The following CDH2 variants were observed in gnomAD, a reference collection of about 807,000 sequenced individuals.
The protein encoded by CDH2 is cadherin-2.
Under a neutral mutation model 92.0 loss-of-function variants are expected in CDH2, and 17 were observed. That is an observed-to-expected ratio of 0.18 (90% CI 0.13 to 0.28). The LOEUF (loss-of-function observed/expected upper bound fraction) is 0.28. Among genes scored for constraint, CDH2 ranks in the 10% least tolerant of loss-of-function variants. The pLI is 1.00. For missense variants in CDH2, 862 were observed against 1,133.1 expected, an observed-to-expected ratio of 0.76 and a Z score of 3.44; for synonymous variants, 419 against 415.9, an observed-to-expected ratio of 1.01 and a Z score of -0.09.
At chr18:27,939,473 C>T (rs529455323) in intron 6 of CDH2, among the ~76,000 whole-genome samples, 20 of 152,236 alleles carry the variant, frequency 1.3e-4, no homozygotes, top group Middle Eastern at 3.4e-3. Flanking sequence ...GGTTTTTATC[C>T]AGCACTGCAG....
chr18:28,026,458 T>C (rs1039586021), intron 2 of CDH2, among the ~76,000 whole-genome samples: 1 of 152,138 alleles, frequency 6.6e-6, no homozygotes, highest in Admixed American at 6.6e-5. Context: ...GGTATAATTA[T>C]AGACAGCCTT....
chr18:28,019,471 A>C (rs1337450400), intron 2 of CDH2, among the ~76,000 whole-genome samples: 1 of 152,036 alleles, frequency 6.6e-6, no homozygotes, highest in East Asian at 1.9e-4. Context: ...TTATTCTATT[A>C]ATGTTGTACT....
chr18:28,045,288 G>A, intron 2 of CDH2: 1 of 373,634 alleles, frequency 2.7e-6, no homozygotes, highest in Non-Finnish European at 5.3e-6. Context: ...GAGCTAGTTT[G>A]TCCTTGTTGT....
intron 2 of CDH2, among the ~76,000 whole-genome samples, chr18:28,050,950 T>C (rs1378136012): frequency 6.6e-6 from 1 of 152,236 alleles, no homozygotes; most frequent in Non-Finnish European, 1.5e-5. Context: ...AAAATCAGAC[T>C]TTTATTTTTA....
chr18:28,036,971 T>A lies in CDH2; in HGVS notation c.173-23062A>T, dbSNP rs1239594839. On this transcript the variant is annotated intron_variant, in intron 2 of 15. Coordinates refer to ENST00000269141, the MANE Select transcript of CDH2 (RefSeq NM_001792.5). ...CAATCCATCACTTGTCATTTAGCAA[T>A]CTGTTCAGTAAAAACATCTATAGCT... Among the ~76,000 whole-genome samples, 3 of 152,164 alleles carry A rather than the reference T, an allele frequency of 2.0e-5. No homozygotes were observed. In the East Asian group the frequency reaches 5.8e-4, roughly 29 times the overall value.
chr18:28,080,046 T>C (rs1301500580), intron 2 of CDH2, among the ~76,000 whole-genome samples: 1 of 152,138 alleles, frequency 6.6e-6, no homozygotes, highest in Non-Finnish European at 1.5e-5. Context: ...CAGTGACTAA[T>C]GAGAGGTTCC....
chr18:27,985,835 A>C, intron 11 of CDH2, 74 bp from the exon 12 acceptor site: 3 of 879,480 alleles, frequency 3.4e-6, no homozygotes, highest in Non-Finnish European at 5.4e-6. Flanking sequence ...TGAAATTCTC[A>C]AAGCTTCTAA....
chr18:27,955,369 TAAAAA>T (rs760993428), intron 15 of CDH2, among the ~76,000 whole-genome samples: 591 of 31,014 alleles, frequency 0.019, 7 homozygotes, highest in African/African-American at 0.06. Context: ...AGTATAATAG[TAAAAA>T]AAAAAAAAAA....
intron 1 of CDH2, among the ~76,000 whole-genome samples, chr18:28,168,172 C>T (rs951864415): frequency 2.0e-5 from 3 of 152,014 alleles, no homozygotes; most frequent in African/African-American, 7.2e-5. Flanking sequence ...ACATTTCGTG[C>T]AAGATTACAG....
chr18:28,047,335 T>C (rs2014096399), intron 2 of CDH2, among the ~76,000 whole-genome samples: 1 of 152,202 alleles, frequency 6.6e-6, no homozygotes. Flanking sequence ...ACTCTTCATT[T>C]TACATCTGAA....
At chr18:28,083,105 T>C (rs2144194171) in intron 2 of CDH2, among the ~76,000 whole-genome samples, 1 of 152,316 alleles carries the variant, frequency 6.6e-6, no homozygotes, top group East Asian at 1.9e-4. Flanking sequence ...GCTGTTGATC[T>C]GGTTGCAGAG....
At chr18:28,170,919 G>T in intron 1 of CDH2, among the ~76,000 whole-genome samples, 1 of 139,554 alleles carries the variant, frequency 7.2e-6, no homozygotes, top group African/African-American at 2.5e-5. Flanking sequence ...ATGCATACCT[G>T]TACCAAAAAA....
intron 2 of CDH2, among the ~76,000 whole-genome samples, chr18:28,121,974 T>C (rs937144308): frequency 2.6e-4 from 39 of 152,238 alleles, no homozygotes; most frequent in African/African-American, 8.9e-4. Context: ...CTAAAGGTGA[T>C]AGAAAATGAG....
chr18:28,051,324 T>C (rs890535612), intron 2 of CDH2, among the ~76,000 whole-genome samples: 1 of 152,128 alleles, frequency 6.6e-6, no homozygotes, highest in Non-Finnish European at 1.5e-5. Flanking sequence ...TACCACAAAA[T>C]AGATACAATG....
chr18:27,939,170 T>A (rs927309168), intron 6 of CDH2, among the ~76,000 whole-genome samples: 6 of 152,178 alleles, frequency 3.9e-5, no homozygotes, highest in Admixed American at 1.3e-4. Flanking sequence ...TTCCCCACGT[T>A]TTCTTCCTTG....
At chr18:27,935,177 C>A (rs7240241) in intron 6 of CDH2, among the ~76,000 whole-genome samples, 99,383 of 152,026 alleles carry the variant, frequency 0.65, 32,599 homozygotes, top group East Asian at 0.71. Flanking sequence ...ACTGCTATAA[C>A]GATACACCTG....
At chr18:28,143,920 C>T (rs1377403038) in intron 2 of CDH2, among the ~76,000 whole-genome samples, 2 of 151,832 alleles carry the variant, frequency 1.3e-5, no homozygotes, top group South Asian at 2.1e-4. Flanking sequence ...CACTGAATGT[C>T]GTCACTCATA....
At position 28,143,394 on chromosome 18, in the gene CDH2, A is replaced by AT. The variant is rs17446833; in HGVS notation, c.172+4278dup. 2.4e-4 allele frequency among the ~76,000 whole-genome samples: 36 copies of AT among 151,606 alleles called. No individual in the cohort carries two copies. The East Asian group carries it at 4.5e-3, about 19-fold the overall frequency. On this transcript the variant is annotated intron_variant, in intron 2 of 15. Coordinates refer to ENST00000269141, the MANE Select transcript of CDH2 (RefSeq NM_001792.5). ...TTCAAGAAATATGCTACCACAAGAGATTTTTTTTTCCTAGTCAGTGGAGTG... is the reference window on the plus strand; with the variant it reads ...TTCAAGAAATATGCTACCACAAGAGATTTTTTTTTTCCTAGTCAGTGGAGTG...
At chr18:28,002,975 A>G (rs779355347) in intron 7 of CDH2, 22 bp downstream of exon 7, 1 of 1,608,390 alleles carries the variant, frequency 6.2e-7, no homozygotes, top group East Asian at 2.2e-5. Flanking sequence ...ACAAACACAA[A>G]TAGAGTTTTT....
Sources: gnomAD v4.1 joint callset for allele counts (sites outside exome capture counted in the v4.1 genomes callset) on GRCh38, gnomAD v4.1.1 for gene constraint, MANE v1.5 for transcripts, NCBI Gene and HGNC (gene_info 2026-07-23, HGNC 2026-07-21) for gene names.